ARMC2: variants seen among roughly 807,000 people sequenced by gnomAD.
ARMC2 encodes the protein armadillo repeat-containing protein 2.
A neutral mutation model predicts 90.3 loss-of-function variants in ARMC2; 67 were observed. The observed-to-expected ratio is 0.74, with a 90% CI of 0.61 to 0.91. ARMC2 has a LOEUF of 0.91. ARMC2 is among the 40% of genes least tolerant of loss of function. ARMC2 has a pLI of 0.00. For missense variants in ARMC2, 920 were observed against 1,030.9 expected (o/e 0.89, Z 1.47); for synonymous variants, 393 against 393.0 (o/e 1.00, Z 0.00).
chr6:108,965,371 C>CTTTTTTTTTTTTTTT (rs35328272), intron 17 of ARMC2, among the ~76,000 whole-genome samples: 2 of 126,744 alleles, frequency 1.6e-5, no homozygotes, highest in African/African-American at 3.0e-5. Context: ...TCTTCTATGG[C>CTTTTTTTTTTTTTTT]TTTTTTTTTT....
chr6:109,029,375 C>T, the ARMC2 span, among the ~76,000 whole-genome samples: 1 of 152,178 alleles, frequency 6.6e-6, no homozygotes, highest in Non-Finnish European at 1.5e-5. Context: ...CTATTCAGAG[C>T]AATTCTTAAG....
intron 5 of ARMC2, among the ~76,000 whole-genome samples, chr6:108,881,093 A>G (rs1777500317): frequency 6.6e-6 from 1 of 151,672 alleles, no homozygotes; most frequent in African/African-American, 2.4e-5. Flanking sequence ...TGACCTTGTG[A>G]TCTGCCCACC....
At chr6:108,974,719 A>G (rs1012497592), downstream of ARMC2, among the ~76,000 whole-genome samples, 1 of 152,050 alleles carries the variant, frequency 6.6e-6, no homozygotes, top group Admixed American at 6.6e-5. Flanking sequence ...TCACCCTACA[A>G]AACACCAAGA....
intron 5 of ARMC2, 79 bp from the exon 6 acceptor site, chr6:108,894,388 G>A (rs545135440): frequency 3.3e-6 from 4 of 1,226,694 alleles, no homozygotes; most frequent in Non-Finnish European, 4.6e-6. Flanking sequence ...ATAAGAAACT[G>A]TATATAGCAG....
intron 17 of ARMC2, among the ~76,000 whole-genome samples, chr6:108,966,259 G>A (rs1778363036): frequency 6.6e-6 from 1 of 151,664 alleles, no homozygotes; most frequent in African/African-American, 2.4e-5. Context: ...CCAGAGCAGA[G>A]GCTCCCAATC....
the ARMC2 span, chr6:108,998,759 AG>A: frequency 3.1e-6 from 5 of 1,598,544 alleles, no homozygotes; most frequent in African/African-American, 1.3e-5. Context: ...AAAGTCCCTT[AG>A]GGGGAAAAAA....
rs185642806 is a variant in ARMC2 at position 108,881,112 on chromosome 6, C to A, written c.671+4762C>A. The stretch of plus-strand genomic sequence containing the variant: ...CTTGTGATCTGCCCACCTCAGCCTC[C>A]CAAAGTACTGAGATTACAGGCGTGA... On this transcript the variant is annotated intron_variant, in intron 5 of 17. Transcript: ENST00000392644. Among the ~76,000 whole-genome samples, 8 of 152,182 alleles carry A rather than the reference C, an allele frequency of 5.3e-5. No individual in the cohort carries two copies. The East Asian group carries it at 1.5e-3, about 29-fold the overall frequency.
chr6:109,002,148 A>C, the ARMC2 span: 3 of 696,218 alleles, frequency 4.3e-6, no homozygotes, highest in African/African-American at 5.4e-5. Flanking sequence ...CTGCCAAAGA[A>C]TGATTAACTG....
At chr6:108,956,059 C>T (rs545834843) in intron 13 of ARMC2, among the ~76,000 whole-genome samples, 34 of 152,190 alleles carry the variant, frequency 2.2e-4, no homozygotes, top group Non-Finnish European at 4.1e-4. Flanking sequence ...CTTCAGGGAA[C>T]CATGTTAGCT....
At chr6:108,870,668 A>G (rs1347622635) in intron 4 of ARMC2, among the ~76,000 whole-genome samples, 1 of 152,002 alleles carries the variant, frequency 6.6e-6, no homozygotes, top group African/African-American at 2.4e-5. Context: ...AGACAAGACA[A>G]TGAGGATGTG....
In ARMC2 at chr6:108,894,518, C is replaced by T; in HGVS notation, c.723C>T (p.Asp241=). The T allele has an allele frequency of 6.2e-7, 1 of 1,610,288 alleles. No individual in the cohort carries two copies. The highest frequency in any genetic ancestry group is 8.5e-7 in the Non-Finnish European group (1 of 1,178,466). The part of the protein sequence containing the change: ...ARASSCPSSS[D]LSRLQTKAVP... The stretch of plus-strand genomic sequence containing the variant: ...CCTCATCATGCCCCAGTAGCTCAGA[C>T]CTGAGCAGGCTGCAAACCAAAGCAG... The change falls in exon 6 of 18, where the codon GAC becomes GAT. Residue 241 remains aspartate (D), a synonymous_variant. Coordinates refer to ENST00000392644, the MANE Select transcript of ARMC2 (RefSeq NM_032131.6).
At chr6:109,021,277 C>T in the ARMC2 span, among the ~76,000 whole-genome samples, 3 of 152,158 alleles carry the variant, frequency 2.0e-5, no homozygotes, top group Admixed American at 6.5e-5. Flanking sequence ...GCCACCTTGC[C>T]GAGCCCACCA....
chr6:108,948,055 GCTCT>G (rs914367809), intron 12 of ARMC2, among the ~76,000 whole-genome samples: 3 of 152,190 alleles, frequency 2.0e-5, no homozygotes, highest in Admixed American at 1.3e-4. Flanking sequence ...TGGAATTGGT[GCTCT>G]CTCTAAATAG....
At chr6:108,969,047 G>A (rs1400352250) in intron 17 of ARMC2, among the ~76,000 whole-genome samples, 4 of 152,156 alleles carry the variant, frequency 2.6e-5, no homozygotes. Flanking sequence ...TGGGGAGCTG[G>A]CACCTGATGA....
chr6:108,964,081 T>G (rs1778186588), intron 15 of ARMC2, 99 bp from the exon 16 acceptor site: 1 of 1,363,882 alleles, frequency 7.3e-7, no homozygotes, highest in Non-Finnish European at 1.0e-6. Context: ...GGTTCTGGGT[T>G]TGCAAGCCAC....
At chr6:108,954,450 C>T (rs1343313248) in intron 13 of ARMC2, among the ~76,000 whole-genome samples, 2 of 152,144 alleles carry the variant, frequency 1.3e-5, no homozygotes, top group African/African-American at 4.8e-5. Context: ...TGGTGAAACC[C>T]CTTTCTCTAC....
the ARMC2 span, chr6:109,002,269 A>G: frequency 6.2e-7 from 1 of 1,612,196 alleles, no homozygotes. Context: ...ACTTTCACAA[A>G]CAACGTACCT....
the ARMC2 span, chr6:109,000,817 T>C: frequency 1.7e-6 from 1 of 578,642 alleles, no homozygotes; most frequent in Admixed American, 4.1e-5. Flanking sequence ...AGTTTTTATA[T>C]AAACATTTTA....
the ARMC2 span, among the ~76,000 whole-genome samples, chr6:109,024,119 T>TA: frequency 7.6e-3 from 1,162 of 151,922 alleles, 21 homozygotes; most frequent in African/African-American, 0.027. Context: ...TAGAACAAAT[T>TA]AAAAAAAAGA....
Sources: allele counts gnomAD v4.1 joint callset (sites outside exome capture counted in the v4.1 genomes callset), GRCh38; gene constraint gnomAD v4.1.1; transcripts MANE v1.5; gene names NCBI Gene and HGNC (gene_info 2026-07-23, HGNC 2026-07-21).